Variants in SLCO3A1 observed in about 807,000 individuals in gnomAD.
The protein encoded by SLCO3A1 is PGE1 transporter.
A neutral mutation model predicts 63.1 loss-of-function variants in SLCO3A1; 27 were observed. The observed-to-expected ratio is 0.43, with a 90% CI of 0.32 to 0.59. The LOEUF (loss-of-function observed/expected upper bound fraction) is 0.59. Among genes scored for constraint, SLCO3A1 ranks in the 20% least tolerant of loss-of-function variants. The pLI, the probability that SLCO3A1 is intolerant of heterozygous loss-of-function variation, is 0.09. For synonymous variants in SLCO3A1, 473 were observed against 409.9 expected (o/e 1.15, Z -1.86); for missense variants, 773 against 945.8 (o/e 0.82, Z 2.40).
chr15:92,037,416 T>A, intron 2 of SLCO3A1, among the ~76,000 whole-genome samples: 1 of 152,130 alleles, frequency 6.6e-6, no homozygotes, highest in East Asian at 1.9e-4. Context: ...CCAACCCAGA[T>A]CCCCGACTCT....
At chr15:92,147,969 C>T (rs1203632709) in intron 8 of SLCO3A1, among the ~76,000 whole-genome samples, 1 of 152,150 alleles carries the variant, frequency 6.6e-6, no homozygotes, top group Admixed American at 6.5e-5. Context: ...GTAATCCCAG[C>T]ACTTTGGGAG....
intron 3 of SLCO3A1, among the ~76,000 whole-genome samples, chr15:92,099,817 T>C (rs1287824794): frequency 6.6e-6 from 1 of 151,982 alleles, no homozygotes; most frequent in African/African-American, 2.4e-5. Flanking sequence ...ATCCCAGCAT[T>C]TTGGGAGGCC....
chr15:91,964,303 T>C (rs1261428596), intron 2 of SLCO3A1, among the ~76,000 whole-genome samples: 2 of 151,856 alleles, frequency 1.3e-5, no homozygotes, highest in African/African-American at 4.8e-5. Context: ...GTAATTTTTT[T>C]TTGTTTTTGG....
At chr15:92,035,039 C>T (rs188576026) in intron 2 of SLCO3A1, among the ~76,000 whole-genome samples, 1 of 151,998 alleles carries the variant, frequency 6.6e-6, no homozygotes, top group East Asian at 1.9e-4. Flanking sequence ...GTTAAAGAGG[C>T]AGGGCAGGAT....
intron 7 of SLCO3A1, among the ~76,000 whole-genome samples, chr15:92,140,029 G>A (rs1445764413): frequency 1.7e-4 from 20 of 120,896 alleles, no homozygotes; most frequent in East Asian, 2.3e-4. Context: ...GCTTTTGAAT[G>A]TGTTTGCTCT....
At chr15:92,070,642 CTT>C (rs57873454) in intron 2 of SLCO3A1, among the ~76,000 whole-genome samples, 149 of 145,364 alleles carry the variant, frequency 1.0e-3, no homozygotes, top group Non-Finnish European at 1.6e-3. Flanking sequence ...ACACTCTAGA[CTT>C]TTTTTTTTTT....
chr15:92,120,076 A>AACAC (rs138316241), intron 4 of SLCO3A1, among the ~76,000 whole-genome samples: 1,525 of 150,978 alleles, frequency 0.01, 31 homozygotes, highest in African/African-American at 0.034. Flanking sequence ...ATTTTATATA[A>AACAC]ACACACACAC....
intron 2 of SLCO3A1, among the ~76,000 whole-genome samples, chr15:91,998,380 G>A (rs2046216206): frequency 6.6e-6 from 1 of 152,096 alleles, no homozygotes; most frequent in Non-Finnish European, 1.5e-5. Flanking sequence ...CTTGACCCTG[G>A]GAGGCTGAGG....
intron 6 of SLCO3A1, 35 bp downstream of exon 6, chr15:92,126,294 G>A (rs768159822): frequency 1.3e-6 from 2 of 1,577,410 alleles, no homozygotes; most frequent in Middle Eastern, 1.7e-4. Context: ...CTTCCTGCCT[G>A]TTCAGGGACC....
chr15:91,963,419 G>GGAC (rs10686584), intron 2 of SLCO3A1, among the ~76,000 whole-genome samples: 1 of 115,544 alleles, frequency 8.7e-6, no homozygotes, highest in African/African-American at 3.4e-5. Context: ...GGGGGGGGGG[G>GGAC]GCGGCAGCAG....
At chr15:92,137,921 G>C (rs878902023) in intron 7 of SLCO3A1, among the ~76,000 whole-genome samples, 111 of 116,052 alleles carry the variant, frequency 9.6e-4, no homozygotes, top group East Asian at 5.2e-3. Context: ...CCATTTTGTA[G>C]GTTGCCTTTT....
In SLCO3A1 at chr15:91,860,412, A is replaced by C. The variant is rs962369158; in HGVS notation, c.180+6324A>C. 2.0e-5 allele frequency among the ~76,000 whole-genome samples: 3 copies of C among 152,250 alleles called. No homozygotes were observed. Among genetic ancestry groups the C allele is most frequent in the African/African-American group, 7.2e-5 (3 of 41,468 alleles). ...ATCTTACAGATGGTTGTGAGGTTTA[A>C]ACAAATAGTCATGTGATAGAGTACT... On this transcript the variant is annotated intron_variant, in intron 1 of 9. Coordinates refer to ENST00000318445, the MANE Select transcript of SLCO3A1 (RefSeq NM_013272.4). This position sits in a 1 kb window ranked among gnomAD's most constrained non-coding sequence, Gnocchi z 5.5.
intron 3 of SLCO3A1, among the ~76,000 whole-genome samples, chr15:92,102,309 G>A (rs2047614715): frequency 6.6e-6 from 1 of 152,074 alleles, no homozygotes; most frequent in African/African-American, 2.4e-5. Context: ...AGATCACCTT[G>A]TGTTTTCCCA....
intron 7 of SLCO3A1, among the ~76,000 whole-genome samples, chr15:92,144,069 TC>T (rs1204769800): frequency 6.6e-6 from 1 of 152,214 alleles, no homozygotes; most frequent in Non-Finnish European, 1.5e-5. Flanking sequence ...TCCGGGCGCG[TC>T]TGTGTGTCCG....
intron 2 of SLCO3A1, among the ~76,000 whole-genome samples, chr15:91,985,134 C>A (rs8032914): frequency 6.6e-6 from 1 of 151,952 alleles, no homozygotes; most frequent in Non-Finnish European, 1.5e-5. Context: ...CTCTTCTTTC[C>A]CAAAGTAACG....
intron 7 of SLCO3A1, among the ~76,000 whole-genome samples, chr15:92,138,433 G>C (rs944754960): frequency 3.5e-5 from 4 of 112,942 alleles, no homozygotes; most frequent in African/African-American, 1.9e-4. Context: ...TGTTCTTTTG[G>C]CTTAGGATTG....
In SLCO3A1 at chr15:92,047,550, A is replaced by AAATATATAT. The variant is rs1260465712; in HGVS notation, c.647-47323_647-47322insTAATATATA. Among the ~76,000 whole-genome samples, 103 of 12,510 alleles carry AAATATATAT rather than the reference A, an allele frequency of 8.2e-3. 14 individuals carry two copies. The highest frequency in any genetic ancestry group is 0.04 in the African/African-American group (84 of 2,088). The allele number at this position is 12,510 out of a possible 152,430, so 8.2% of individuals were successfully genotyped here. On this transcript the variant is annotated intron_variant, in intron 2 of 9. Transcript: ENST00000318445. Reference sequence around the variant, plus strand: ...AAATATATAAATATATATAATATATAAATATATAAATATATATATAAATAT... The same window carrying AAATATATAT: ...AAATATATAAATATATATAATATATAAATATATATAATATATAAATATATATATAAATAT...
intron 2 of SLCO3A1, among the ~76,000 whole-genome samples, chr15:92,081,160 C>A (rs4984333): frequency 0.061 from 9,277 of 152,096 alleles, 686 homozygotes; most frequent in East Asian, 0.26. Context: ...ACTGTAGTCA[C>A]CCTGTTGCAA....
chr15:92,012,756 A>T (rs2151463531), intron 2 of SLCO3A1, among the ~76,000 whole-genome samples: 1 of 152,030 alleles, frequency 6.6e-6, no homozygotes, highest in African/African-American at 2.4e-5. Context: ...AAAAAAAAAA[A>T]AAAAAAAGGC....
Sources: gnomAD v4.1 joint callset for allele counts (sites outside exome capture counted in the v4.1 genomes callset) on GRCh38, gnomAD v4.1.1 for gene constraint, Gnocchi (gnomAD v3.1) non-coding constraint, MANE v1.5 for transcripts, NCBI Gene and HGNC (gene_info 2026-07-23, HGNC 2026-07-21) for gene names.